The following PIAS1 variants were observed in gnomAD, a reference collection of about 807,000 sequenced individuals.
PIAS1 encodes the protein protein inhibitor of activated STAT 1.
Under a neutral mutation model 71.3 loss-of-function variants are expected in PIAS1, and 6 were observed. The observed-to-expected ratio is 0.08, with a 90% CI of 0.05 to 0.17. The LOEUF (loss-of-function observed/expected upper bound fraction) is 0.17. Ranked by LOEUF, PIAS1 falls within the 10% of genes least tolerant of loss-of-function variation. The pLI, the probability that PIAS1 is intolerant of heterozygous loss-of-function variation, is 1.00. For synonymous variants in PIAS1, 303 were observed against 292.9 expected (o/e 1.03, Z -0.35); for missense variants, 555 against 793.6 (o/e 0.70, Z 3.61).
intron 1 of PIAS1, among the ~76,000 whole-genome samples, chr15:68,061,837 G>C (rs1423862985): frequency 6.6e-6 from 1 of 152,130 alleles, no homozygotes; most frequent in Non-Finnish European, 1.5e-5. Context: ...ATTCCACTTT[G>C]TGTGTGTGTT....
intron 1 of PIAS1, among the ~76,000 whole-genome samples, chr15:68,062,215 T>G (rs919714475): frequency 6.6e-6 from 1 of 152,214 alleles, no homozygotes; most frequent in African/African-American, 2.4e-5. Context: ...ATAGAGATAA[T>G]AAGTGACTAC....
intron 1 of PIAS1, among the ~76,000 whole-genome samples, chr15:68,066,266 G>A (rs772312007): frequency 6.6e-6 from 1 of 151,784 alleles, no homozygotes; most frequent in South Asian, 2.1e-4. Flanking sequence ...GCACCACTGT[G>A]CCCAGCTAAT....
chr15:68,078,669 A>G (rs2092196069), intron 1 of PIAS1, among the ~76,000 whole-genome samples: 1 of 152,138 alleles, frequency 6.6e-6, no homozygotes. Flanking sequence ...TATCTCCATC[A>G]TGTAGTTACT....
chr15:68,104,815 A>G lies in PIAS1; in HGVS notation c.469+18065A>G, dbSNP rs566120352. Reference sequence around the variant, plus strand: ...ACATATTCCATAAATATGTACAGCAATTATGTAACAAAGTTTACATAAGGG... The same window carrying G: ...ACATATTCCATAAATATGTACAGCAGTTATGTAACAAAGTTTACATAAGGG... On this transcript the variant is annotated intron_variant, in intron 2 of 13. Transcript: ENST00000249636. Among the ~76,000 whole-genome samples the G allele has an allele frequency of 1.5e-4, 23 of 152,264 alleles. 1 individual carries two copies. In the South Asian group the frequency reaches 1.7e-3, roughly 11 times the overall value.
At chr15:68,130,515 A>T (rs936986274) in intron 2 of PIAS1, among the ~76,000 whole-genome samples, 45 of 151,954 alleles carry the variant, frequency 3.0e-4, no homozygotes, top group Non-Finnish European at 5.0e-4. Flanking sequence ...ACTACTTTTT[A>T]AAAAAAGAAA....
rs1287631394 is a variant in PIAS1, at chr15:68,186,161, G to A, written c.1663-1381G>A. ...GCCTCAGGCAGGTCCTTCAGTGGGT[G>A]TTCCAGAAGATTGTTGTCATAGCAA... On this transcript the variant is annotated intron_variant, in intron 13 of 13. Transcript: ENST00000249636. This position sits in a 1 kb window ranked among gnomAD's most constrained non-coding sequence, Gnocchi z 4.4. 6.6e-6 allele frequency among the ~76,000 whole-genome samples: 1 copy of A among 152,164 alleles called. No individual in the cohort carries two copies. The highest frequency in any genetic ancestry group is 1.9e-4 in the East Asian group (1 of 5,202).
intron 7 of PIAS1, among the ~76,000 whole-genome samples, chr15:68,158,278 T>C (rs2092904130): frequency 6.6e-6 from 1 of 152,230 alleles, no homozygotes; most frequent in Non-Finnish European, 1.5e-5. Flanking sequence ...CTGTATTTAC[T>C]CTTCTTTTCA....
chr15:68,150,265 G>T (rs1338607571), intron 6 of PIAS1, among the ~76,000 whole-genome samples: 1 of 152,116 alleles, frequency 6.6e-6, no homozygotes, highest in Non-Finnish European at 1.5e-5. Context: ...TAGGAAAGAA[G>T]TCTGAAACTG....
intron 2 of PIAS1, among the ~76,000 whole-genome samples, chr15:68,088,609 A>C (rs2092307301): frequency 6.6e-6 from 1 of 152,168 alleles, no homozygotes; most frequent in African/African-American, 2.4e-5. Flanking sequence ...TTTAATATGC[A>C]TAAAAAGATC....
intron 2 of PIAS1, among the ~76,000 whole-genome samples, chr15:68,104,303 A>T (rs1241588231): frequency 1.3e-5 from 2 of 151,534 alleles, no homozygotes; most frequent in African/African-American, 4.9e-5. Flanking sequence ...TTTTTTTCTG[A>T]CCTCTGTGAT....
intron 6 of PIAS1, among the ~76,000 whole-genome samples, chr15:68,151,146 GA>G (rs1234759019): frequency 6.6e-6 from 1 of 151,874 alleles, no homozygotes; most frequent in East Asian, 1.9e-4. Context: ...TGTCTACCTA[GA>G]AAAGAATCTC....
chr15:68,178,839 TTTC>T lies in PIAS1; in HGVS notation c.1481+2191_1481+2193del, dbSNP rs1461685756. Among the ~76,000 whole-genome samples the T allele has an allele frequency of 1.3e-5, 2 of 152,158 alleles. No individual in the cohort carries two copies. The highest frequency in any genetic ancestry group is 4.8e-5 in the African/African-American group (2 of 41,454). On this transcript the variant is annotated intron_variant, in intron 11 of 13. Transcript: ENST00000249636. The surrounding 1 kb of genome is among the most constrained non-coding windows in gnomAD (Gnocchi z 4.2). ...CATTTGAGTGTTTAGGAATCTAATATTTCTTCTTTGGATATTTACTTTGCTCTT... is the reference window on the plus strand; with the variant it reads ...CATTTGAGTGTTTAGGAATCTAATATTTCTTTGGATATTTACTTTGCTCTT...
Position 68,173,452 on chromosome 15 carries a change from C to G in PIAS1, c.1009-280C>G, listed in dbSNP as rs1372641831. On this transcript the variant is annotated intron_variant, in intron 8 of 13. Transcript: ENST00000249636. The surrounding 1 kb of genome is among the most constrained non-coding windows in gnomAD (Gnocchi z 4.3). Reference sequence around the variant, plus strand: ...AATGTAATTCAAGGGGTTTATGACCCTCTCCACCAAAAGCTGATCTGTGAG... The same window carrying G: ...AATGTAATTCAAGGGGTTTATGACCGTCTCCACCAAAAGCTGATCTGTGAG... 6.6e-6 allele frequency among the ~76,000 whole-genome samples: 1 copy of G among 151,998 alleles called. No homozygotes were observed. The highest frequency in any genetic ancestry group is 2.4e-5 in the African/African-American group (1 of 41,388).
chr15:68,123,092 C>T (rs1269084986), intron 2 of PIAS1, among the ~76,000 whole-genome samples: 1 of 151,658 alleles, frequency 6.6e-6, no homozygotes, highest in East Asian at 1.9e-4. Context: ...CATTCTGTCT[C>T]CCAGGCTGGA....
intron 2 of PIAS1, among the ~76,000 whole-genome samples, chr15:68,131,534 T>C (rs1175094086): frequency 6.6e-6 from 1 of 152,206 alleles, no homozygotes; most frequent in Non-Finnish European, 1.5e-5. Context: ...ACCACCATTC[T>C]ACTCTTTGTT....
At chr15:68,082,340 A>T (rs1403047743) in intron 1 of PIAS1, among the ~76,000 whole-genome samples, 1 of 152,188 alleles carries the variant, frequency 6.6e-6, no homozygotes, top group African/African-American at 2.4e-5. Flanking sequence ...GGGAAATTCC[A>T]TGACCATAAT....
At chr15:68,062,102 C>T (rs1003779793) in intron 1 of PIAS1, among the ~76,000 whole-genome samples, 2 of 152,122 alleles carry the variant, frequency 1.3e-5, no homozygotes, top group African/African-American at 4.8e-5. Context: ...GTCATATCTT[C>T]GCTCTTTTTT....
intron 2 of PIAS1, among the ~76,000 whole-genome samples, chr15:68,094,244 G>A (rs1229322325): frequency 6.6e-6 from 1 of 151,450 alleles, no homozygotes; most frequent in Non-Finnish European, 1.5e-5. Context: ...GATGTGCTGG[G>A]CGTATAGTCT....
intron 2 of PIAS1, among the ~76,000 whole-genome samples, chr15:68,102,347 C>T (rs1486968534): frequency 6.6e-6 from 1 of 152,158 alleles, no homozygotes; most frequent in African/African-American, 2.4e-5. Flanking sequence ...ACCACATGGT[C>T]TTGATTACTA....
Sources: allele counts gnomAD v4.1 joint callset (sites outside exome capture counted in the v4.1 genomes callset), GRCh38; gene constraint gnomAD v4.1.1; non-coding constraint Gnocchi (gnomAD v3.1); transcripts MANE v1.5; gene names NCBI Gene and HGNC (gene_info 2026-07-23, HGNC 2026-07-21).